The following PTAFR variants were observed in gnomAD, a reference collection of about 807,000 sequenced individuals.
PTAFR encodes platelet-activating factor receptor.
A neutral mutation model predicts 14.7 loss-of-function variants in PTAFR; 8 were observed. The observed-to-expected ratio is 0.54, with a 90% CI of 0.32 to 0.98. The LOEUF is 0.98. Ranked by LOEUF, PTAFR falls within the 50% of genes least tolerant of loss-of-function variation. The pLI is 0.04. For synonymous variants in PTAFR, 156 were observed against 176.5 expected (o/e 0.88, Z 0.92); for missense variants, 337 against 451.2 (o/e 0.75, Z 2.29).
At chr1:28,182,421 A>C (rs780417790) in intron 1 of PTAFR, among the ~76,000 whole-genome samples, 10 of 151,404 alleles carry the variant, frequency 6.6e-5, no homozygotes, top group Non-Finnish European at 1.3e-4. Context: ...TATACCTATA[A>C]TCCCAGCACT....
At chr1:28,155,061 C>T (rs959171090) in intron 1 of PTAFR, among the ~76,000 whole-genome samples, 2 of 152,128 alleles carry the variant, frequency 1.3e-5, no homozygotes, top group Non-Finnish European at 2.9e-5. Flanking sequence ...ACCCTCACCT[C>T]GTGCCACCTT....
chr1:28,161,115 C>T (rs1646318020), intron 1 of PTAFR, among the ~76,000 whole-genome samples: 1 of 152,266 alleles, frequency 6.6e-6, no homozygotes, highest in Non-Finnish European at 1.5e-5. Flanking sequence ...TTGCTCAGAC[C>T]TCATTTCCTC....
intron 1 of PTAFR, among the ~76,000 whole-genome samples, chr1:28,164,426 C>T (rs1296979685): frequency 6.6e-6 from 1 of 152,146 alleles, no homozygotes; most frequent in Non-Finnish European, 1.5e-5. Context: ...CACCACATTC[C>T]AAGTGGGCAC....
intron 1 of PTAFR, among the ~76,000 whole-genome samples, chr1:28,160,568 C>G (rs918030936): frequency 6.6e-6 from 1 of 150,970 alleles, no homozygotes; most frequent in Non-Finnish European, 1.5e-5. Flanking sequence ...CGCCACCCCC[C>G]ACACACACAC....
intron 1 of PTAFR, among the ~76,000 whole-genome samples, chr1:28,156,891 C>T (rs1646269735): frequency 6.6e-6 from 1 of 152,128 alleles, no homozygotes; most frequent in Admixed American, 6.6e-5. Context: ...GGGCAGCTCA[C>T]AGCTGGGCAG....
chr1:28,192,558 C>CAAA (rs375926757), intron 1 of PTAFR, among the ~76,000 whole-genome samples: 3 of 56,302 alleles, frequency 5.3e-5, no homozygotes, highest in Non-Finnish European at 1.3e-4. Context: ...AACTCCGTCT[C>CAAA]AAAAAAAAAA....
At chr1:28,188,503 C>T (rs1200021479) in intron 1 of PTAFR, among the ~76,000 whole-genome samples, 1 of 152,032 alleles carries the variant, frequency 6.6e-6, no homozygotes, top group Non-Finnish European at 1.5e-5. Flanking sequence ...CTTTGGGAGG[C>T]CAAGGCAGGA....
intron 1 of PTAFR, among the ~76,000 whole-genome samples, chr1:28,166,642 G>C (rs1047459428): frequency 1.3e-5 from 2 of 151,594 alleles, no homozygotes; most frequent in Non-Finnish European, 2.9e-5. Flanking sequence ...TTGCACTCCA[G>C]CCTGGGAAAC....
In PTAFR at chr1:28,159,613, C is replaced by T. The variant is rs577024382; in HGVS notation, c.-38-8554G>A. 4.0e-5 allele frequency among the ~76,000 whole-genome samples: 6 copies of T among 151,872 alleles called. No homozygotes were observed. In the South Asian group the frequency reaches 8.3e-4, roughly 21 times the overall value. Reference sequence around the variant, plus strand: ...AGCACTTTGGGAGGCCGAGGCAGGACGATCACTCGAGGTCAGGAGTTCCAG... The same window carrying T: ...AGCACTTTGGGAGGCCGAGGCAGGATGATCACTCGAGGTCAGGAGTTCCAG... On this transcript the variant is annotated intron_variant, in intron 1 of 1. Transcript: ENST00000373857.
chr1:28,150,863 C>CT lies in PTAFR; in HGVS notation c.158dup (p.Ile54AspfsTer61). The CT allele has an allele frequency of 6.2e-7, 1 of 1,614,174 alleles. No homozygotes were observed. Among genetic ancestry groups the CT allele is most frequent in the Non-Finnish European group, 8.5e-7 (1 of 1,180,044 alleles). On this transcript the variant is annotated frameshift_variant, in exon 2 of 2. Transcript: ENST00000373857. LOFTEE classifies it high-confidence loss of function. The surrounding 1 kb of genome is among the most constrained non-coding windows in gnomAD (Gnocchi z 6.3). ...CCATGGTGAGGTTCACCATGAAGAT[C>CT]TTTATCTCATTGAATTTCTTGCAAG...
chr1:28,176,833 A>G (rs1375943192), upstream of PTAFR: 1 of 153,062 alleles, frequency 6.5e-6, no homozygotes, highest in East Asian at 1.9e-4. Context: ...AGAGCGAGGG[A>G]TGGGGTGGGG....
At chr1:28,178,252 T>C (rs1268816376), upstream of PTAFR, among the ~76,000 whole-genome samples, 3 of 152,028 alleles carry the variant, frequency 2.0e-5, no homozygotes, top group African/African-American at 4.8e-5. Flanking sequence ...AAACACTTTT[T>C]TTATTTTTTT....
upstream of PTAFR, among the ~76,000 whole-genome samples, chr1:28,180,902 G>A (rs1235426976): frequency 6.6e-6 from 1 of 151,810 alleles, no homozygotes; most frequent in East Asian, 1.9e-4. Context: ...GAAAGGAAGA[G>A]GAATGAAGGG....
intron 1 of PTAFR, among the ~76,000 whole-genome samples, chr1:28,153,740 T>A (rs868661548): frequency 4.3e-4 from 65 of 151,578 alleles, no homozygotes; most frequent in Admixed American, 1.1e-3. Flanking sequence ...ATACAAAAAT[T>A]AGCTGGGCGT....
intron 1 of PTAFR, among the ~76,000 whole-genome samples, chr1:28,182,278 G>A (rs1479214887): frequency 6.6e-6 from 1 of 151,872 alleles, no homozygotes; most frequent in Non-Finnish European, 1.5e-5. Flanking sequence ...AGAGATTTCA[G>A]TGAGCCAAGA....
rs1366636699 is a variant in PTAFR at position 28,147,415 on chromosome 1, T to A, written c.*2578A>T. 1.3e-5 allele frequency: 2 copies of A among 152,154 alleles called. No individual in the cohort carries two copies. Among genetic ancestry groups the A allele is most frequent in the Admixed American group, 1.3e-4 (2 of 15,266 alleles). 9.4% of individuals were successfully genotyped at this position (152,154 alleles called of 1,614,324 possible). ...GCCTAAAGGAAGAGTGCTGGGCCCC[T>A]GGAGGACTGAGGGAAGCCGGCAGGT... On this transcript the variant is annotated 3_prime_UTR_variant, in exon 2 of 2. Transcript: ENST00000373857.
chr1:28,167,604 A>G (rs919020074), intron 1 of PTAFR, among the ~76,000 whole-genome samples: 1 of 146,766 alleles, frequency 6.8e-6, no homozygotes, highest in African/African-American at 2.6e-5. Context: ...CTCTGGGTAT[A>G]CTATATATTC....
At chr1:28,161,719 G>C (rs1228255755) in intron 1 of PTAFR, among the ~76,000 whole-genome samples, 1 of 152,114 alleles carries the variant, frequency 6.6e-6, no homozygotes, top group Non-Finnish European at 1.5e-5. Context: ...ACCACAGACA[G>C]CTTTACCATG....
In PTAFR at chr1:28,150,404, G is replaced by T; in HGVS notation, c.618C>A (p.Asn206Lys). Residue 206 changes from asparagine to lysine, a missense_variant, in exon 2 of 2, where the codon AAC becomes AAA. Coordinates refer to ENST00000373857, the MANE Select transcript of PTAFR (RefSeq NM_000952.5). The surrounding 1 kb of genome is among the most constrained non-coding windows in gnomAD (Gnocchi z 6.3). ...FLVFLIILFC[N>K]LVIIRTLLMQ... ...TGAGCAAGGTACGGATGATGACCAGGTTGCAGAAGAGGATGATGAGGAAGA... is the reference window on the plus strand; with the variant it reads ...TGAGCAAGGTACGGATGATGACCAGTTTGCAGAAGAGGATGATGAGGAAGA... 2 of 1,613,974 alleles carry T rather than the reference G, an allele frequency of 1.2e-6. No homozygotes were observed. Among genetic ancestry groups the T allele is most frequent in the Non-Finnish European group, 1.7e-6 (2 of 1,179,890 alleles).
Sources: allele counts gnomAD v4.1 joint callset (sites outside exome capture counted in the v4.1 genomes callset), GRCh38; gene constraint gnomAD v4.1.1; non-coding constraint Gnocchi (gnomAD v3.1); transcripts MANE v1.5; gene names NCBI Gene and HGNC (gene_info 2026-07-23, HGNC 2026-07-21).